CMTM8: variants seen among roughly 807,000 people sequenced by gnomAD.
CMTM8 encodes CKLF-like MARVEL transmembrane domain-containing protein 8.
Under a neutral mutation model 18.6 loss-of-function variants are expected in CMTM8, and 12 were observed. That is an observed-to-expected ratio of 0.65 (90% CI 0.41 to 1.05). CMTM8 has a LOEUF of 1.05. Among genes scored for constraint, CMTM8 ranks in the 50% least tolerant of loss-of-function variants. CMTM8 has a pLI of 0.00. For synonymous variants in CMTM8, 87 were observed against 90.6 expected (o/e 0.96, Z 0.23); for missense variants, 217 against 227.2 (o/e 0.95, Z 0.29).
intron 1 of CMTM8, among the ~76,000 whole-genome samples, chr3:32,278,253 A>G (rs1702548488): frequency 6.6e-6 from 1 of 152,210 alleles, no homozygotes; most frequent in Admixed American, 6.5e-5. Context: ...CTGACTGCAG[A>G]TGAAGCTGGG....
At chr3:32,360,017 G>A (rs995365054) in intron 2 of CMTM8, among the ~76,000 whole-genome samples, 1 of 152,080 alleles carries the variant, frequency 6.6e-6, no homozygotes, top group East Asian at 1.9e-4. Flanking sequence ...CCAGACACCA[G>A]GAAACCAGGA....
At chr3:32,347,469 A>C (rs534110451) in intron 1 of CMTM8, among the ~76,000 whole-genome samples, 19 of 150,184 alleles carry the variant, frequency 1.3e-4, no homozygotes, top group African/African-American at 4.6e-4. Context: ...GTGACAATAA[A>C]ATAAGTTAGG....
intron 1 of CMTM8, among the ~76,000 whole-genome samples, chr3:32,275,351 T>A (rs1052511168): frequency 3.9e-5 from 6 of 152,208 alleles, no homozygotes; most frequent in Non-Finnish European, 7.3e-5. Context: ...CAAACAGACT[T>A]GGCTTTGAGT....
In CMTM8 at chr3:32,370,247, G is replaced by A. The variant is rs970554373; in HGVS notation, c.*280G>A. 2.9e-5 allele frequency: 5 copies of A among 171,558 alleles called. No individual in the cohort carries two copies. The highest frequency in any genetic ancestry group is 5.0e-5 in the Non-Finnish European group (4 of 80,760). 10.6% of individuals were successfully genotyped at this position (171,558 alleles called of 1,614,324 possible). ...TTTAAATAGATAAATTGCTAATATT[G>A]AGAATGTGTCAAGTTTGTAAACCTA... On this transcript the variant is annotated 3_prime_UTR_variant, in exon 4 of 4. Coordinates refer to ENST00000307526, the MANE Select transcript of CMTM8 (RefSeq NM_178868.5).
At chr3:32,268,509 G>T (rs1702384956) in intron 1 of CMTM8, among the ~76,000 whole-genome samples, 2 of 151,738 alleles carry the variant, frequency 1.3e-5, no homozygotes, top group African/African-American at 4.8e-5. Context: ...TGAGTTAATG[G>T]ATGCAGCACA....
chr3:32,253,567 G>A (rs1340848951), intron 1 of CMTM8, among the ~76,000 whole-genome samples: 1 of 151,908 alleles, frequency 6.6e-6, no homozygotes, highest in African/African-American at 2.4e-5. Flanking sequence ...TAGCCAGGCT[G>A]GTCTCAAACT....
chr3:32,316,086 G>A (rs1263755333), intron 1 of CMTM8, among the ~76,000 whole-genome samples: 3 of 141,508 alleles, frequency 2.1e-5, no homozygotes, highest in Admixed American at 7.7e-5. Context: ...GAGTACAGTG[G>A]CGCGATCTCG....
At chr3:32,361,286 G>GTTTGTTTTTCTTTTTTTT (rs140270969) in intron 2 of CMTM8, among the ~76,000 whole-genome samples, 1 of 87,230 alleles carries the variant, frequency 1.1e-5, no homozygotes, top group South Asian at 4.6e-4. Flanking sequence ...CAGCCTAAGA[G>GTTTGTTTTTCTTTTTTTT]TTTTTTTTTC....
intron 1 of CMTM8, among the ~76,000 whole-genome samples, chr3:32,269,382 A>G (rs1575153308): frequency 6.6e-6 from 1 of 152,372 alleles, no homozygotes; most frequent in East Asian, 1.9e-4. Context: ...TAATTGTGAC[A>G]TGAATATTGA....
chr3:32,268,003 A>T (rs1379659125), intron 1 of CMTM8, among the ~76,000 whole-genome samples: 1 of 152,208 alleles, frequency 6.6e-6, no homozygotes, highest in Non-Finnish European at 1.5e-5. Flanking sequence ...GTGGGACTGT[A>T]AACTAGTTCA....
chr3:32,337,451 T>C (rs1696409637), intron 1 of CMTM8, among the ~76,000 whole-genome samples: 1 of 152,206 alleles, frequency 6.6e-6, no homozygotes, highest in Non-Finnish European at 1.5e-5. Context: ...GCTGTTTGGC[T>C]GGGGCTGGCT....
At chr3:32,348,836 A>G (rs1412473444) in intron 1 of CMTM8, among the ~76,000 whole-genome samples, 1 of 151,890 alleles carries the variant, frequency 6.6e-6, no homozygotes, top group African/African-American at 2.4e-5. Context: ...GACCTTCTGA[A>G]CCCATCCTCT....
chr3:32,299,193 A>T (rs934501547), intron 1 of CMTM8, among the ~76,000 whole-genome samples: 5 of 152,010 alleles, frequency 3.3e-5, no homozygotes, highest in African/African-American at 1.2e-4. Flanking sequence ...CATACAGTGT[A>T]AGGTGAGAAA....
intron 1 of CMTM8, among the ~76,000 whole-genome samples, chr3:32,333,714 G>A (rs1696327029): frequency 6.6e-6 from 1 of 151,810 alleles, no homozygotes; most frequent in Non-Finnish European, 1.5e-5. Flanking sequence ...AAATGATGCA[G>A]GTGAAAGATG....
chr3:32,367,627 A>T (rs896515525), intron 2 of CMTM8, among the ~76,000 whole-genome samples: 2 of 152,034 alleles, frequency 1.3e-5, no homozygotes, highest in African/African-American at 4.8e-5. Context: ...AAGCAAAATG[A>T]CTGAAGGGGC....
intron 1 of CMTM8, among the ~76,000 whole-genome samples, chr3:32,275,061 T>A (rs1702494816): frequency 6.6e-6 from 1 of 152,160 alleles, no homozygotes; most frequent in African/African-American, 2.4e-5. Context: ...TTGAATGCAG[T>A]GGTGCAATCA....
intron 1 of CMTM8, among the ~76,000 whole-genome samples, chr3:32,287,206 G>T (rs983972710): frequency 3.9e-5 from 6 of 152,098 alleles, no homozygotes; most frequent in Non-Finnish European, 7.4e-5. Flanking sequence ...TTTTTATTGG[G>T]CACCTTCTTA....
intron 1 of CMTM8, among the ~76,000 whole-genome samples, chr3:32,256,672 T>A (rs1309624226): frequency 6.6e-6 from 1 of 152,186 alleles, no homozygotes; most frequent in Non-Finnish European, 1.5e-5. Flanking sequence ...TGGTTTGGAA[T>A]AAAAGATTGT....
intron 1 of CMTM8, among the ~76,000 whole-genome samples, chr3:32,273,161 G>GTGTGTGTGTGTGTGTGTGTA (rs1491064834): frequency 7.3e-5 from 11 of 151,252 alleles, no homozygotes; most frequent in Non-Finnish European, 1.2e-4. Context: ...GTGTGTGTGT[G>GTGTGTGTGTGTGTGTGTGTA]TACGTGCCCA....
Sources: allele counts gnomAD v4.1 joint callset (sites outside exome capture counted in the v4.1 genomes callset), GRCh38; gene constraint gnomAD v4.1.1; transcripts MANE v1.5; gene names NCBI Gene and HGNC (gene_info 2026-07-23, HGNC 2026-07-21).